Variants in UNC13A observed in about 807,000 individuals in gnomAD.
The protein encoded by UNC13A is protein unc-13 homolog A.
In UNC13A, 61 loss-of-function variants were observed where a neutral mutation model predicts 219.7. The observed-to-expected ratio is 0.28, with a 90% confidence interval of 0.23 to 0.34. The LOEUF (loss-of-function observed/expected upper bound fraction) is 0.34. UNC13A is among the 10% of genes least tolerant of loss of function. The pLI, the probability that UNC13A is intolerant of heterozygous loss-of-function variation, is 1.00. For synonymous variants in UNC13A, 920 were observed against 884.6 expected, an observed-to-expected ratio of 1.04 and a Z score of -0.71; for missense variants, 1,476 against 2,270.3, an observed-to-expected ratio of 0.65 and a Z score of 7.11.
At chr19:17,666,200 T>TTCTTTCA (rs2079644372) in intron 7 of UNC13A, among the ~76,000 whole-genome samples, 1 of 13,436 alleles carries the variant, frequency 7.4e-5, no homozygotes, top group African/African-American at 3.7e-4. Context: ...TTTCTCTCTT[T>TTCTTTCA]CTTTCTCTTT....
At chr19:17,624,363 C>A (rs1568507663) in intron 35 of UNC13A, among the ~76,000 whole-genome samples, 2 of 152,092 alleles carry the variant, frequency 1.3e-5, no homozygotes, top group Non-Finnish European at 2.9e-5. Flanking sequence ...AAGCAATCTG[C>A]CCGCCTCGAG....
Position 17,618,794 on chromosome 19 carries a change from C to A in UNC13A, c.4329+112G>T, listed in dbSNP as rs1243030272. ...GTGAGTAGAGTTTCTGTCCTTTGAG[C>A]CTGTAATGCATGTCATCATCCTGGG... On this transcript the variant is annotated intron_variant, in intron 39 of 43. Transcript: ENST00000519716. 5.9e-6 allele frequency: 6 copies of A among 1,024,128 alleles called. No individual in the cohort carries two copies. In the Admixed American group the frequency reaches 9.0e-5, roughly 15 times the overall value. 63.4% of individuals were successfully genotyped at this position (1,024,128 alleles called of 1,614,324 possible).
At chr19:17,655,102 G>A (rs1445759059) in intron 11 of UNC13A, among the ~76,000 whole-genome samples, 172 bp downstream of exon 11, 1 of 152,238 alleles carries the variant, frequency 6.6e-6, no homozygotes, top group Admixed American at 6.5e-5. Flanking sequence ...GAGTGGCTGG[G>A]GCATGGGCAC....
chr19:17,653,499 C>G (rs1333929075), intron 11 of UNC13A, among the ~76,000 whole-genome samples: 3 of 151,694 alleles, frequency 2.0e-5, no homozygotes, highest in Non-Finnish European at 4.4e-5. Flanking sequence ...AGGTGCCCAC[C>G]ACCACACCCA....
intron 4 of UNC13A, among the ~76,000 whole-genome samples, chr19:17,670,071 C>T (rs1189036944): frequency 2.7e-5 from 4 of 150,858 alleles, no homozygotes; most frequent in Admixed American, 6.6e-5. Flanking sequence ...CTCAGCTTCC[C>T]GAGTAGCTGG....
At chr19:17,632,644 G>T in intron 28 of UNC13A, 138 bp downstream of exon 28, 1 of 1,288,578 alleles carries the variant, frequency 7.8e-7, no homozygotes. Flanking sequence ...GCTGAGAGTG[G>T]AGAACACTGG....
Position 17,649,190 on chromosome 19 carries a change from G to T in UNC13A, c.1524+149C>A. 7.5e-7 allele frequency: 1 copy of T among 1,326,636 alleles called. No homozygotes were observed. The highest frequency in any genetic ancestry group is 2.0e-5 in the Admixed American group (1 of 49,524). The allele number at this position is 1,326,636 out of a possible 1,614,324, so 82.2% of individuals were successfully genotyped here. On this transcript the variant is annotated intron_variant, in intron 14 of 43. Coordinates refer to ENST00000519716, the MANE Select transcript of UNC13A (RefSeq NM_001080421.3). The surrounding 1 kb of genome is among the most constrained non-coding windows in gnomAD (Gnocchi z 4.4). The stretch of plus-strand genomic sequence containing the variant: ...TGAGTTAGAAGGGACCCTGGAAAGT[G>T]AGCAGCCCCGCACCCCTGACTCACA...
Position 17,660,535 on chromosome 19 carries a change from G to GTT in UNC13A, c.560-2268_560-2267dup, listed in dbSNP as rs11383230. On this transcript the variant is annotated intron_variant, in intron 8 of 43. Coordinates refer to ENST00000519716, the MANE Select transcript of UNC13A (RefSeq NM_001080421.3). ...GTTTTGTTTGTTTGTTGGTTTTTGG[G>GTT]TTTTTTTTTTTTTTGAGACAGAGTC... Among the ~76,000 whole-genome samples the GTT allele has an allele frequency of 6.2e-3, 859 of 139,560 alleles. 5 individuals are homozygous for GTT. The highest frequency in any genetic ancestry group is 0.016 in the African/African-American group (586 of 37,692). 91.6% of individuals were successfully genotyped at this position (139,560 alleles called of 152,430 possible).
chr19:17,616,915 G>C (rs560302252), intron 41 of UNC13A, among the ~76,000 whole-genome samples: 229 of 152,288 alleles, frequency 1.5e-3, no homozygotes, highest in African/African-American at 5.3e-3. Context: ...GGGGTCCCCA[G>C]GGAATCCTGC....
chr19:17,618,587 T>C, intron 39 of UNC13A, 86 bp from the exon 40 acceptor site: 1 of 1,354,890 alleles, frequency 7.4e-7, no homozygotes, highest in Non-Finnish European at 1.0e-6. Flanking sequence ...CTGTTCAACT[T>C]GGAGGAGCTG....
At chr19:17,670,241 C>CAGCCAA (rs2079759256) in intron 4 of UNC13A, among the ~76,000 whole-genome samples, 4 of 150,528 alleles carry the variant, frequency 2.7e-5, no homozygotes, top group South Asian at 2.1e-4. Flanking sequence ...CCACCATGCC[C>CAGCCAA]GGCCTAATTT....
rs2076517660 is a variant in UNC13A at position 17,605,787 on chromosome 19, C to T, written c.*267G>A. ...TCCCCCATCCCAGCTCAAAATGCCC[C>T]CTAGGTGCTGGGGGCGTGGCCTCAA... On this transcript the variant is annotated 3_prime_UTR_variant, in exon 44 of 44. Coordinates refer to ENST00000519716, the MANE Select transcript of UNC13A (RefSeq NM_001080421.3). 2.4e-6 allele frequency: 1 copy of T among 414,454 alleles called. No homozygotes were observed. The highest frequency in any genetic ancestry group is 4.1e-5 in the East Asian group (1 of 24,236). The allele number at this position is 414,454 out of a possible 1,614,324, so 25.7% of individuals were successfully genotyped here.
chr19:17,662,919 CAAAAAA>C (rs35777969), intron 8 of UNC13A, among the ~76,000 whole-genome samples: 1 of 74,208 alleles, frequency 1.3e-5, no homozygotes, highest in Non-Finnish European at 2.7e-5. Context: ...GACTCCGTCT[CAAAAAA>C]AAAAAAAAAA....
chr19:17,662,272 G>C (rs897888005), intron 8 of UNC13A, among the ~76,000 whole-genome samples: 3 of 151,940 alleles, frequency 2.0e-5, no homozygotes, highest in African/African-American at 7.2e-5. Flanking sequence ...TCTCACGGGA[G>C]CGTGAACCCT....
intron 11 of UNC13A, 128 bp downstream of exon 11, chr19:17,655,146 G>A (rs2079424968): frequency 1.3e-6 from 1 of 780,780 alleles, no homozygotes; most frequent in Non-Finnish European, 2.2e-6. Flanking sequence ...GCCCAGGCTA[G>A]GCTTGGGTAC....
chr19:17,666,618 T>A, intron 7 of UNC13A, 32 bp downstream of exon 7: 1 of 1,449,996 alleles, frequency 6.9e-7, no homozygotes. Flanking sequence ...GGATTTCAGC[T>A]GATACCCAAG....
intron 8 of UNC13A, among the ~76,000 whole-genome samples, chr19:17,660,280 C>T (rs2145876820): frequency 7.4e-6 from 1 of 134,520 alleles, no homozygotes; most frequent in East Asian, 2.2e-4. Context: ...CATGTTTACC[C>T]AGTTTTTTTT....
chr19:17,673,213 C>A (rs112284608), intron 3 of UNC13A, among the ~76,000 whole-genome samples: 1 of 151,384 alleles, frequency 6.6e-6, no homozygotes, highest in East Asian at 1.9e-4. Flanking sequence ...CAAAATTAGC[C>A]GGGCGTGGTG....
chr19:17,616,310 T>C (rs2144944396), intron 41 of UNC13A: 1 of 633,746 alleles, frequency 1.6e-6, no homozygotes, highest in Non-Finnish European at 2.9e-6. Flanking sequence ...CTGCAGGCCC[T>C]TGAGGCAGAA....
Sources: gnomAD v4.1 joint callset for allele counts (sites outside exome capture counted in the v4.1 genomes callset) on GRCh38, gnomAD v4.1.1 for gene constraint, Gnocchi (gnomAD v3.1) non-coding constraint, MANE v1.5 for transcripts, NCBI Gene and HGNC (gene_info 2026-07-23, HGNC 2026-07-21) for gene names.